The following CLDN16 variants were observed in gnomAD, a reference collection of about 807,000 sequenced individuals.
CLDN16 encodes the protein claudin-16.
Under a neutral mutation model 24.6 loss-of-function variants are expected in CLDN16, and 13 were observed. The ratio of observed to expected loss-of-function variants is 0.53; its 90% CI spans 0.34 to 0.84. The LOEUF (loss-of-function observed/expected upper bound fraction) is 0.84, where lower values mean the gene tolerates loss of function less well. Among genes scored for constraint, CLDN16 ranks in the 40% least tolerant of loss-of-function variants. The pLI is 0.01. For synonymous variants in CLDN16, 116 were observed against 106.7 expected (o/e 1.09, Z -0.54); for missense variants, 298 against 292.7 (o/e 1.02, Z -0.13).
rs755751630 is a variant in CLDN16, at chr3:190,410,233, A to G, written c.*197A>G. On this transcript the variant is annotated 3_prime_UTR_variant, in exon 5 of 5. Coordinates refer to ENST00000264734, the MANE Select transcript of CLDN16 (RefSeq NM_006580.4). ...ATATTTTCCCGTCATTCTCTCTGCT[A>G]ACCTTCCACCTTATGCACACACTTT... is the stretch of plus-strand genomic sequence containing the variant. The G allele has an allele frequency of 2.2e-5, 14 of 624,648 alleles. No individual in the cohort carries two copies. The highest frequency in any genetic ancestry group is 4.0e-5 in the Non-Finnish European group (14 of 354,340). 38.7% of individuals were successfully genotyped at this position (624,648 alleles called of 1,614,324 possible). A position where few individuals can be genotyped will look rare whatever the true frequency, so the allele number is the denominator to read the frequency against.
At chr3:190,348,355 G>T (rs1717600725) in intron 1 of CLDN16, among the ~76,000 whole-genome samples, 1 of 148,428 alleles carries the variant, frequency 6.7e-6, no homozygotes. Flanking sequence ...GTGTGTGTGT[G>T]TGTGTGTGTG....
At chr3:190,300,968 A>G in the CLDN16 span, among the ~76,000 whole-genome samples, 292 of 152,324 alleles carry the variant, frequency 1.9e-3, 10 homozygotes, top group East Asian at 0.053. Context: ...TCCGGTAATG[A>G]GAAAAATAAA....
chr3:190,377,814 A>G (rs1039956558), intron 3 of CLDN16, among the ~76,000 whole-genome samples: 1 of 151,970 alleles, frequency 6.6e-6, no homozygotes, highest in Non-Finnish European at 1.5e-5. Flanking sequence ...AGAAGGTTTG[A>G]GTCTTAGGTT....
chr3:190,332,432 A>G (rs1387382502), intron 1 of CLDN16, among the ~76,000 whole-genome samples: 1 of 152,180 alleles, frequency 6.6e-6, no homozygotes, highest in Non-Finnish European at 1.5e-5. Flanking sequence ...GTAAAGAGAG[A>G]CATTAATAAC....
At chr3:190,322,518 TGGCGG>T, upstream of CLDN16, 10 of 374,576 alleles carry the variant, frequency 2.7e-5, no homozygotes, top group East Asian at 6.0e-5. Flanking sequence ...GAGCGCCCCC[TGGCGG>T]TTTCAGGGCG....
At chr3:190,298,348 T>TACACACACACACACACACAC in the CLDN16 span, among the ~76,000 whole-genome samples, 5,644 of 147,792 alleles carry the variant, frequency 0.038, 118 homozygotes, top group Middle Eastern at 0.056. Context: ...ATGTATATTA[T>TACACACACACACACACACAC]ACACACACAC....
intron 3 of CLDN16, among the ~76,000 whole-genome samples, chr3:190,407,477 G>A (rs1719135487): frequency 6.6e-6 from 1 of 152,124 alleles, no homozygotes; most frequent in Admixed American, 6.5e-5. Flanking sequence ...CCTTCTGCTA[G>A]GCATTGAGCA....
chr3:190,406,914 GT>G (rs1719119075), intron 3 of CLDN16, among the ~76,000 whole-genome samples: 1 of 151,786 alleles, frequency 6.6e-6, no homozygotes, highest in Non-Finnish European at 1.5e-5. Context: ...GCTACTTTTT[GT>G]ATTTTTAGTA....
chr3:190,332,965 C>T (rs1287996940), intron 1 of CLDN16, among the ~76,000 whole-genome samples: 2 of 152,014 alleles, frequency 1.3e-5, no homozygotes, highest in Non-Finnish European at 2.9e-5. Flanking sequence ...AATTATTAGT[C>T]GTACACATGA....
chr3:190,371,016 T>TTATATATATATATATATATATATATA lies in CLDN16; in HGVS notation n.230+39_230+40insTATATATATATATATATATATATATA, dbSNP rs141854157. The stretch of plus-strand genomic sequence containing the variant: ...CTTGTGATCATGTGAGTTAATACCT[T>TTATATATATATATATATATATATATA]TATATATATATATATATATATATAA... On this transcript the variant is annotated intron_variant and non_coding_transcript_variant, in intron 2 of 4. Coordinates refer to the CLDN16 transcript ENST00000468220. The TTATATATATATATATATATATATATA allele has an allele frequency of 3.6e-3, 49 of 13,786 alleles. 1 individual carries two copies. The highest frequency in any genetic ancestry group is 0.045 in the Middle Eastern group (1 of 22). 0.9% of individuals were successfully genotyped at this position (13,786 alleles called of 1,614,324 possible). A position where few individuals can be genotyped will look rare whatever the true frequency, so the allele number is the denominator to read the frequency against.
chr3:190,371,418 G>C (rs1425107), intron 2 of CLDN16, among the ~76,000 whole-genome samples: 1 of 151,776 alleles, frequency 6.6e-6, no homozygotes, highest in African/African-American at 2.4e-5. Flanking sequence ...CCTACACTTC[G>C]TAGGTTCACT....
chr3:190,311,645 A>G, the CLDN16 span, among the ~76,000 whole-genome samples: 1 of 150,840 alleles, frequency 6.6e-6, no homozygotes, highest in East Asian at 1.9e-4. Flanking sequence ...TATATAATAT[A>G]TGCATCTAAT....
the CLDN16 span, among the ~76,000 whole-genome samples, chr3:190,295,666 G>A: frequency 0.13 from 19,264 of 152,056 alleles, 1,479 homozygotes; most frequent in East Asian, 0.41. Flanking sequence ...TCTTAGCTCC[G>A]TTGTTTTTAT....
At chr3:190,374,269 TTGTGTGTGTGTG>T (rs3220823) in intron 2 of CLDN16, among the ~76,000 whole-genome samples, 24,260 of 139,344 alleles carry the variant, frequency 0.17, 2,331 homozygotes, top group East Asian at 0.44. Context: ...CTGAAAAACA[TTGTGTGTGTGTG>T]TGTGTGTGTG....
At chr3:190,302,746 G>C in the CLDN16 span, among the ~76,000 whole-genome samples, 1 of 141,058 alleles carries the variant, frequency 7.1e-6, no homozygotes, top group South Asian at 2.4e-4. Context: ...AATCCAGCCT[G>C]AGCAACAGGA....
intron 1 of CLDN16, among the ~76,000 whole-genome samples, chr3:190,352,427 T>G (rs182353287): frequency 2.4e-4 from 37 of 152,276 alleles, no homozygotes; most frequent in African/African-American, 8.7e-4. Context: ...TAAACAAGAT[T>G]AACATTCCAG....
intron 1 of CLDN16, among the ~76,000 whole-genome samples, chr3:190,389,312 T>C (rs1240712602): frequency 6.6e-6 from 1 of 151,888 alleles, no homozygotes; most frequent in East Asian, 1.9e-4. Flanking sequence ...AAAAAAGGAG[T>C]ATATAGCAAA....
chr3:190,358,498 T>G (rs1386377206), intron 1 of CLDN16, among the ~76,000 whole-genome samples: 1 of 151,928 alleles, frequency 6.6e-6, no homozygotes, highest in Non-Finnish European at 1.5e-5. Flanking sequence ...AGATTCACTC[T>G]GTGAATTCTC....
At chr3:190,330,380 T>G (rs534731309) in intron 1 of CLDN16, among the ~76,000 whole-genome samples, 1 of 152,334 alleles carries the variant, frequency 6.6e-6, no homozygotes, top group Non-Finnish European at 1.5e-5. Context: ...TGAAGTTGTT[T>G]AAGTCAATAT....
Sources: allele counts gnomAD v4.1 joint callset (sites outside exome capture counted in the v4.1 genomes callset), GRCh38; gene constraint gnomAD v4.1.1; transcripts MANE v1.5; gene names NCBI Gene and HGNC (gene_info 2026-07-23, HGNC 2026-07-21).